Variants in BNC2 observed in about 807,000 individuals in gnomAD.
BNC2 encodes zinc finger protein basonuclin-2.
Under a neutral mutation model 76.3 loss-of-function variants are expected in BNC2, and 20 were observed. The observed-to-expected ratio is 0.26, with a 90% confidence interval of 0.18 to 0.38. The LOEUF is 0.38. Ranked by LOEUF, BNC2 falls within the 10% of genes least tolerant of loss-of-function variation. BNC2 has a pLI of 1.00. For synonymous variants in BNC2, 582 were observed against 514.8 expected (o/e 1.13, Z -1.77); for missense variants, 1,382 against 1,399.8 (o/e 0.99, Z 0.20).
At chr9:16,850,047 G>A (rs1819090381) in intron 1 of BNC2, among the ~76,000 whole-genome samples, 1 of 152,090 alleles carries the variant, frequency 6.6e-6, no homozygotes, top group African/African-American at 2.4e-5. Context: ...AGACTAGGTA[G>A]GTTATCTGTC....
intron 3 of BNC2, among the ~76,000 whole-genome samples, chr9:16,617,335 C>T (rs533640485): frequency 1.2e-4 from 18 of 152,060 alleles, no homozygotes; most frequent in Admixed American, 7.2e-4. Flanking sequence ...CAATTGAAAA[C>T]ATCATTCTAT....
chr9:16,790,146 G>A (rs947288438), intron 1 of BNC2, among the ~76,000 whole-genome samples: 4 of 152,188 alleles, frequency 2.6e-5, no homozygotes, highest in Admixed American at 1.3e-4. Context: ...ACAGGTGCCC[G>A]CCACCATGCC....
intron 1 of BNC2, among the ~76,000 whole-genome samples, chr9:16,744,967 A>ACATATC (rs1199962460): frequency 1.3e-5 from 2 of 152,230 alleles, no homozygotes; most frequent in African/African-American, 4.8e-5. Context: ...TATAGAAGAA[A>ACATATC]CATATCCAGG....
chr9:16,560,112 G>A (rs949347363), intron 4 of BNC2, among the ~76,000 whole-genome samples: 1 of 152,128 alleles, frequency 6.6e-6, no homozygotes, highest in Non-Finnish European at 1.5e-5. Flanking sequence ...CAGACTGCTG[G>A]GCCACCTCCC....
chr9:16,708,666 T>G (rs1823748761), intron 3 of BNC2, among the ~76,000 whole-genome samples: 1 of 149,800 alleles, frequency 6.7e-6, no homozygotes, highest in Admixed American at 6.7e-5. Context: ...GAAAAAGAAA[T>G]AAGAATGAGA....
At chr9:16,762,229 A>AT (rs1312934828) in intron 1 of BNC2, among the ~76,000 whole-genome samples, 1 of 152,102 alleles carries the variant, frequency 6.6e-6, no homozygotes, top group Non-Finnish European at 1.5e-5. Context: ...ACCTTCTGGA[A>AT]TTTTTTATGA....
At chr9:16,582,888 A>AGCAG in intron 4 of BNC2, 95 bp downstream of exon 4, 2 of 699,640 alleles carry the variant, frequency 2.9e-6, no homozygotes, top group Non-Finnish European at 4.5e-6. Context: ...GACTCCTCTA[A>AGCAG]ACAGACACAC....
intron 3 of BNC2, among the ~76,000 whole-genome samples, chr9:16,692,717 T>G (rs1823210395): frequency 6.6e-6 from 1 of 152,156 alleles, no homozygotes; most frequent in South Asian, 2.1e-4. Context: ...ACAGAGTCAC[T>G]TGGTCTCACT....
Position 16,439,558 on chromosome 9 carries a change from T to C in BNC2, c.670-2034A>G, listed in dbSNP as rs185715421. Among the ~76,000 whole-genome samples the C allele has an allele frequency of 7.5e-4, 114 of 152,314 alleles. 2 individuals carry two copies. The South Asian group carries it at 8.5e-3, about 11-fold the overall frequency. On this transcript the variant is annotated intron_variant, in intron 5 of 6. Coordinates refer to ENST00000380672, the MANE Select transcript of BNC2 (RefSeq NM_017637.6). ...CTGTGCTTTATGTAGGATGTTACAC[T>C]AGGGGAAGCATGATGAGAGGCATAA...
At chr9:16,550,910 T>C (rs561859762) in intron 5 of BNC2, among the ~76,000 whole-genome samples, 2 of 152,280 alleles carry the variant, frequency 1.3e-5, no homozygotes, top group African/African-American at 4.8e-5. Context: ...ACATTAATAA[T>C]CACGCTGTAG....
intron 3 of BNC2, among the ~76,000 whole-genome samples, chr9:16,657,015 T>C (rs145850820): frequency 6.9e-4 from 105 of 152,288 alleles, no homozygotes; most frequent in African/African-American, 2.4e-3. Flanking sequence ...GGAGGCTGAC[T>C]ATAGTGGGGC....
intron 3 of BNC2, among the ~76,000 whole-genome samples, chr9:16,594,281 T>TA (rs1488350167): frequency 1.3e-5 from 2 of 152,162 alleles, no homozygotes; most frequent in African/African-American, 4.8e-5. Context: ...AGCAAAGATG[T>TA]ACAGAAGTAA....
intron 1 of BNC2, among the ~76,000 whole-genome samples, chr9:16,809,546 T>C (rs1817995290): frequency 1.3e-5 from 2 of 152,164 alleles, no homozygotes; most frequent in South Asian, 4.1e-4. Flanking sequence ...GTGTACCTGC[T>C]GAATTCCCTT....
chr9:16,736,634 C>T (rs1395447020), intron 2 of BNC2, among the ~76,000 whole-genome samples: 2 of 151,700 alleles, frequency 1.3e-5, no homozygotes, highest in African/African-American at 4.8e-5. Flanking sequence ...CACCACCATG[C>T]CTGGGTAATT....
At chr9:16,615,539 C>T (rs1413545145) in intron 3 of BNC2, among the ~76,000 whole-genome samples, 4 of 152,130 alleles carry the variant, frequency 2.6e-5, no homozygotes, top group African/African-American at 9.7e-5. Flanking sequence ...AATAAGAAGG[C>T]CTTGCTACGT....
intron 5 of BNC2, among the ~76,000 whole-genome samples, chr9:16,468,823 T>C (rs538011170): frequency 1.3e-5 from 2 of 152,282 alleles, no homozygotes; most frequent in South Asian, 4.1e-4. Flanking sequence ...AGAGGAGGTA[T>C]CTAGGCCCAA....
chr9:16,473,944 A>G (rs1325644722), intron 5 of BNC2, among the ~76,000 whole-genome samples: 1 of 152,210 alleles, frequency 6.6e-6, no homozygotes, highest in Non-Finnish European at 1.5e-5. Context: ...AAGTGTTTTC[A>G]GATCCACTGG....
chr9:16,777,882 G>A (rs147198886), intron 1 of BNC2, among the ~76,000 whole-genome samples: 201 of 151,990 alleles, frequency 1.3e-3, no homozygotes, highest in African/African-American at 4.8e-3. Flanking sequence ...TCTGAGACCG[G>A]AAAAAAATTA....
rs375082925 is a variant in BNC2, at chr9:16,869,390, A to G, written c.3+1256T>C. On this transcript the variant is annotated intron_variant, in intron 1 of 6. Coordinates refer to ENST00000380672, the MANE Select transcript of BNC2 (RefSeq NM_017637.6). Reference sequence around the variant, plus strand: ...TTTAATTTCTGTCAGCGTTACTGTAACCACAGTCCTGGGCTCTTGCTTTTG... The same window carrying G: ...TTTAATTTCTGTCAGCGTTACTGTAGCCACAGTCCTGGGCTCTTGCTTTTG... 3.8e-3 allele frequency among the ~76,000 whole-genome samples: 567 copies of G among 149,706 alleles called. 3 individuals are homozygous for G. Among genetic ancestry groups the G allele is most frequent in the African/African-American group, 0.013 (541 of 40,286 alleles).
Sources: gnomAD v4.1 joint callset for allele counts (sites outside exome capture counted in the v4.1 genomes callset) on GRCh38, gnomAD v4.1.1 for gene constraint, MANE v1.5 for transcripts, NCBI Gene and HGNC (gene_info 2026-07-23, HGNC 2026-07-21) for gene names.